PLB1: variants seen among roughly 807,000 people sequenced by gnomAD.
PLB1 encodes the protein phospholipase B1, also known as phospholipase B1, membrane-associated.
In PLB1, 242 loss-of-function variants were observed where a neutral mutation model predicts 227.4. The observed-to-expected ratio is 1.06, with a 90% CI of 0.96 to 1.18. The LOEUF (loss-of-function observed/expected upper bound fraction) is 1.18, where lower values mean the gene tolerates loss of function less well. Among genes scored for constraint, PLB1 ranks in the 50% most tolerant of loss-of-function variants. PLB1 has a pLI of 0.00. For missense variants in PLB1, 1,858 were observed against 1,816.3 expected, an observed-to-expected ratio of 1.02 and a Z score of -0.42; for synonymous variants, 757 against 682.2, an observed-to-expected ratio of 1.11 and a Z score of -1.71.
rs558815512 is a variant in PLB1 at position 28,584,318 on chromosome 2, C to T, written c.1734-1443C>T. Among the ~76,000 whole-genome samples the T allele has an allele frequency of 3.9e-5, 6 of 152,344 alleles. No homozygotes were observed. The East Asian group carries it at 1.2e-3, about 29-fold the overall frequency. On this transcript the variant is annotated intron_variant, in intron 25 of 57. Coordinates refer to ENST00000327757, the MANE Select transcript of PLB1 (RefSeq NM_153021.5). ...CCTGGGGGACCCAAACCGCACAGGT[C>T]CCCTGGAGAAGGCCTCACGGTGCTG...
chr2:28,564,930 A>G (rs1199901337), intron 18 of PLB1, among the ~76,000 whole-genome samples: 1 of 152,238 alleles, frequency 6.6e-6, no homozygotes, highest in African/African-American at 2.4e-5. Flanking sequence ...GATATACTTC[A>G]CAACTTTAAA....
chr2:28,640,821 CCCCACCCCG>C (rs1368194984), intron 56 of PLB1, 97 bp from the exon 57 acceptor site: 1 of 1,202,884 alleles, frequency 8.3e-7, no homozygotes, highest in Non-Finnish European at 1.2e-6. Flanking sequence ...GGTTTCTATC[CCCCACCCCG>C]TTCCCGAGGG....
intron 1 of PLB1, among the ~76,000 whole-genome samples, chr2:28,512,388 T>C (rs1668383462): frequency 6.6e-6 from 1 of 152,194 alleles, no homozygotes; most frequent in Admixed American, 6.5e-5. Flanking sequence ...TTCAAATACA[T>C]ATAATAGCTG....
At position 28,529,737 on chromosome 2, in the gene PLB1, G is replaced by C; in HGVS notation, c.426G>C (p.Trp142Cys). ...VIPHDGAEDL[W>C]IQAQELVRNM... ...CCCTCCCTCTGCACAGAGACTTGTG[G>C]ATTCAGGCTCAAGAACTGGTGAGAA... The change falls in exon 8 of 58, where the codon TGG becomes TGC. Residue 142 changes from tryptophan (W) to cysteine (C), a missense_variant. Trp to Cys is a radical substitution (Grantham distance 215). Coordinates refer to ENST00000327757, the MANE Select transcript of PLB1 (RefSeq NM_153021.5). The C allele has an allele frequency of 1.2e-6, 2 of 1,614,118 alleles. No homozygotes were observed. Among genetic ancestry groups the C allele is most frequent in the Non-Finnish European group, 1.7e-6 (2 of 1,179,996 alleles).
chr2:28,517,055 A>G (rs547173296), intron 2 of PLB1, among the ~76,000 whole-genome samples, 186 bp downstream of exon 2: 1 of 152,284 alleles, frequency 6.6e-6, no homozygotes, highest in South Asian at 2.1e-4. Context: ...GTGTCCTGGA[A>G]TTTGGAGCTC....
chr2:28,603,012 C>T, intron 39 of PLB1, 91 bp downstream of exon 39: 1 of 1,146,036 alleles, frequency 8.7e-7, no homozygotes, highest in Non-Finnish European at 1.3e-6. Flanking sequence ...GTCTTTGTGA[C>T]TTGGTCTATC....
At position 28,582,503 on chromosome 2, in the gene PLB1, C is replaced by T; in HGVS notation, c.1731C>T (p.Leu577=). 6.3e-7 allele frequency: 1 copy of T among 1,597,006 alleles called. No individual in the cohort carries two copies. The part of the protein sequence containing the change: ...EKKVYCPRMI[L]RSLCPCVLKF... ...AAGTCTACTGCCCAAGGATGATCCT[C>T]AGGTCAGACAGATACTTCTCCCCGA... Residue 577 remains leucine (L), a splice_region_variant and synonymous_variant, in exon 25 of 58, where the codon CTC becomes CTT. Transcript: ENST00000327757.
chr2:28,581,447 A>G (rs778130271), intron 23 of PLB1, among the ~76,000 whole-genome samples: 2 of 150,422 alleles, frequency 1.3e-5, no homozygotes, highest in Non-Finnish European at 2.9e-5. Flanking sequence ...TTGGCTCTAC[A>G]GTTAGTGGAT....
At chr2:28,550,667 AGT>A (rs1674100587) in intron 16 of PLB1, among the ~76,000 whole-genome samples, 1 of 151,248 alleles carries the variant, frequency 6.6e-6, no homozygotes, top group Admixed American at 6.6e-5. Flanking sequence ...CAGCCTCCTG[AGT>A]AGCTGGGATT....
At chr2:28,501,989 C>G (rs1446159477) in intron 1 of PLB1, among the ~76,000 whole-genome samples, 1 of 152,094 alleles carries the variant, frequency 6.6e-6, no homozygotes, top group Non-Finnish European at 1.5e-5. Flanking sequence ...AGGATAAATT[C>G]CTGGAACTGG....
chr2:28,522,379 G>A (rs112320740), intron 4 of PLB1, among the ~76,000 whole-genome samples: 13 of 152,164 alleles, frequency 8.5e-5, no homozygotes, highest in African/African-American at 3.1e-4. Flanking sequence ...AATTGCACTT[G>A]TGACTGTGGT....
Position 28,539,302 on chromosome 2 carries a change from G to A in PLB1, c.698+124G>A, listed in dbSNP as rs115468198. 2,031 of 862,464 alleles carry A rather than the reference G, an allele frequency of 2.4e-3. 27 individuals carry two copies. The African/African-American group carries it at 0.026, about 11-fold the overall frequency. The allele number at this position is 862,464 out of a possible 1,614,324, so 53.4% of individuals were successfully genotyped here. On this transcript the variant is annotated intron_variant, in intron 11 of 57. Coordinates refer to ENST00000327757, the MANE Select transcript of PLB1 (RefSeq NM_153021.5). ...TAAAGAACAGAGGCCAAAGGAGGCC[G>A]AGAAACACATGCGAGCTCACACCCG... is the stretch of plus-strand genomic sequence containing the variant.
intron 30 of PLB1, 63 bp from the exon 31 acceptor site, chr2:28,591,637 T>C (rs1231628901): frequency 8.4e-6 from 13 of 1,539,650 alleles, no homozygotes; most frequent in Non-Finnish European, 4.5e-6. Flanking sequence ...GGGGTACATC[T>C]GATAGCCAGT....
chr2:28,532,417 G>A (rs1431767152), intron 9 of PLB1, among the ~76,000 whole-genome samples: 4 of 152,246 alleles, frequency 2.6e-5, no homozygotes, highest in Non-Finnish European at 5.9e-5. Context: ...CAGGCGTTCT[G>A]TGGGTTTTAT....
At position 28,546,264 on chromosome 2, in the gene PLB1, G is replaced by C. The variant is rs796609796; in HGVS notation, c.937-2596G>C. On this transcript the variant is annotated intron_variant, in intron 14 of 57. Transcript: ENST00000327757. ...GTAATTCTTGTACATCAGTCGTTTT[G>C]AAGGGGACCCACCTTTAGGGAACTG... Among the ~76,000 whole-genome samples the C allele has an allele frequency of 2.0e-5, 3 of 152,156 alleles. No individual in the cohort carries two copies. In the South Asian group the frequency reaches 6.2e-4, roughly 32 times the overall value.
intron 56 of PLB1, among the ~76,000 whole-genome samples, chr2:28,634,105 T>C (rs80264187): frequency 0.11 from 16,588 of 152,142 alleles, 2,141 homozygotes; most frequent in African/African-American, 0.32. Flanking sequence ...ACTGGCTTTA[T>C]CCTTGGCCTA....
intron 21 of PLB1, among the ~76,000 whole-genome samples, chr2:28,574,381 A>ATTTT (rs1678557771): frequency 9.2e-5 from 2 of 21,690 alleles, no homozygotes; most frequent in Non-Finnish European, 1.9e-4. Context: ...CCATTATATC[A>ATTTT]TTCTTTTTTT....
chr2:28,547,219 A>AAAAAAAAAAAAAG (rs1673426656), intron 14 of PLB1, among the ~76,000 whole-genome samples: 1 of 88,096 alleles, frequency 1.1e-5, no homozygotes, highest in Non-Finnish European at 2.2e-5. Flanking sequence ...AAAAAAAAGA[A>AAAAAAAAAAAAAG]AAAAAAAAAA....
intron 32 of PLB1, 63 bp from the exon 33 acceptor site, chr2:28,593,618 A>C: frequency 7.0e-7 from 1 of 1,436,402 alleles, no homozygotes; most frequent in Non-Finnish European, 9.8e-7. Flanking sequence ...AGCCCTGTGC[A>C]TTCACAGCCT....
Sources: gnomAD v4.1 joint callset for allele counts (sites outside exome capture counted in the v4.1 genomes callset) on GRCh38, gnomAD v4.1.1 for gene constraint, MANE v1.5 for transcripts, NCBI Gene and HGNC (gene_info 2026-07-23, HGNC 2026-07-21) for gene names.